HLCS: variants seen among roughly 807,000 people sequenced by gnomAD.
The protein encoded by HLCS is holocarboxylase synthetase, also known as biotin--protein ligase.
HLCS carries 53 observed loss-of-function variants against 75.0 expected under a neutral mutation model. The ratio of observed to expected loss-of-function variants is 0.71; its 90% CI spans 0.57 to 0.89. The LOEUF (loss-of-function observed/expected upper bound fraction) is 0.89, where lower values mean the gene tolerates loss of function less well. Among genes scored for constraint, HLCS ranks in the 40% least tolerant of loss-of-function variants. HLCS has a pLI of 0.00. For missense variants in HLCS, 966 were observed against 1,074.0 expected (o/e 0.90, Z 1.41); for synonymous variants, 431 against 428.6 (o/e 1.01, Z -0.07).
intron 6 of HLCS, among the ~76,000 whole-genome samples, chr21:36,815,217 C>T (rs866157033): frequency 6.6e-6 from 1 of 151,926 alleles, no homozygotes; most frequent in East Asian, 1.9e-4. Context: ...TTAGTAGAGA[C>T]GGGGTTTCAC....
chr21:36,926,506 T>C (rs566664009), intron 5 of HLCS, among the ~76,000 whole-genome samples: 1 of 152,362 alleles, frequency 6.6e-6, no homozygotes, highest in African/African-American at 2.4e-5. Flanking sequence ...TGACACGCAG[T>C]CATTTGTTTT....
intron 2 of HLCS, chr21:36,947,469 G>A: frequency 1.0e-6 from 1 of 985,370 alleles, no homozygotes; most frequent in Non-Finnish European, 1.2e-6. Context: ...TTGCCTTCCA[G>A]TGGATAAAGG....
chr21:36,961,229 G>A (rs1490708886), intron 2 of HLCS, among the ~76,000 whole-genome samples: 1 of 152,220 alleles, frequency 6.6e-6, no homozygotes. Context: ...CGTAGGTGGT[G>A]ATATACCCCA....
chr21:36,962,590 C>G (rs1426893414), intron 1 of HLCS, among the ~76,000 whole-genome samples: 1 of 151,878 alleles, frequency 6.6e-6, no homozygotes, highest in Non-Finnish European at 1.5e-5. Context: ...GAGTTCAAGA[C>G]CACCCTGGCC....
chr21:36,907,781 A>G (rs2065523432), intron 5 of HLCS, among the ~76,000 whole-genome samples: 1 of 152,238 alleles, frequency 6.6e-6, no homozygotes, highest in Non-Finnish European at 1.5e-5. Flanking sequence ...ATAAAAAAGA[A>G]GTCTTAAAAT....
At chr21:36,968,469 A>G (rs1185973458), upstream of HLCS, 2 of 152,158 alleles carry the variant, frequency 1.3e-5, no homozygotes, top group Non-Finnish European at 2.9e-5. Context: ...AACTGGGCTT[A>G]AAAGCAAGCA....
At chr21:36,825,164 T>C (rs559396143) in intron 6 of HLCS, among the ~76,000 whole-genome samples, 2 of 152,168 alleles carry the variant, frequency 1.3e-5, no homozygotes, top group Admixed American at 1.3e-4. Context: ...AGAGGACTGC[T>C]TGAGGCCAGG....
chr21:36,815,433 A>G (rs2061634841), intron 6 of HLCS, among the ~76,000 whole-genome samples: 1 of 152,202 alleles, frequency 6.6e-6, no homozygotes, highest in African/African-American at 2.4e-5. Flanking sequence ...TGTCATCCAC[A>G]CTAAGACATG....
intron 2 of HLCS, among the ~76,000 whole-genome samples, chr21:36,956,059 A>G (rs1194036559): frequency 6.6e-6 from 1 of 152,200 alleles, no homozygotes; most frequent in Non-Finnish European, 1.5e-5. Flanking sequence ...GCATGATGAA[A>G]TCACCTAAGG....
At position 36,754,411 on chromosome 21, in the gene HLCS, C is replaced by T. The variant is rs775688363; in HGVS notation, c.2457G>A (p.Gln819=). Residue 819 remains glutamine (Q), a synonymous_variant, in exon 11 of 11, where the codon CAG becomes CAA. Coordinates refer to ENST00000674895, the MANE Select transcript of HLCS (RefSeq NM_001352514.2). ...LYYRYWVHSG[Q]QVHLGSAEGP... ...CCTCTGCGCTGCCCAGATGGACTTG[C>T]TGACCACTGAAAAGGAAGAACAGCG... 1 of 1,612,106 alleles carries T rather than the reference C, an allele frequency of 6.2e-7. No individual in the cohort carries two copies. The highest frequency in any genetic ancestry group is 1.3e-5 in the African/African-American group (1 of 75,024).
At chr21:36,847,238 A>G (rs1382315938) in intron 6 of HLCS, among the ~76,000 whole-genome samples, 1 of 152,212 alleles carries the variant, frequency 6.6e-6, no homozygotes, top group Non-Finnish European at 1.5e-5. Context: ...ACATTGAAAT[A>G]AAGGCTTGGA....
intron 9 of HLCS, 98 bp from the exon 10 acceptor site, chr21:36,756,853 C>G (rs1419760200): frequency 1.3e-6 from 2 of 1,596,814 alleles, no homozygotes; most frequent in Non-Finnish European, 1.7e-6. Flanking sequence ...CTGTCAACTT[C>G]CTCCTTCCTT....
At chr21:36,923,599 A>G (rs2066271840) in intron 5 of HLCS, among the ~76,000 whole-genome samples, 1 of 152,246 alleles carries the variant, frequency 6.6e-6, no homozygotes, top group Non-Finnish European at 1.5e-5. Context: ...ATTTCCCACA[A>G]GCACACATCT....
chr21:36,958,767 C>T (rs1351587527), intron 2 of HLCS, among the ~76,000 whole-genome samples: 1 of 147,146 alleles, frequency 6.8e-6, no homozygotes, highest in Non-Finnish European at 1.5e-5. Flanking sequence ...CCAGCCTGGG[C>T]AACACAGCAA....
chr21:36,937,307 T>C lies in HLCS; in HGVS notation c.579A>G (p.Glu193=), dbSNP rs2146529125. ...GCTCAGGCTTAATCTCAAGAGAAGG[T>C]TCAGGCTTCGGCTCTAGGATCTGGG... ...KQAQILEPKP[E]PSLEIKPEQD... The change falls in exon 4 of 11, where the codon GAA becomes GAG. Residue 193 remains glutamate, a synonymous_variant. Transcript: ENST00000674895. The C allele has an allele frequency of 6.2e-7, 1 of 1,614,096 alleles. No individual in the cohort carries two copies. Among genetic ancestry groups the C allele is most frequent in the Non-Finnish European group, 8.5e-7 (1 of 1,180,014 alleles).
chr21:36,841,459 G>T lies in HLCS; in HGVS notation c.1892+55401C>A, dbSNP rs111461688. On this transcript the variant is annotated intron_variant, in intron 6 of 10. Transcript: ENST00000674895. ...CATGTGAGGTCTGTGTAAAGGATAG[G>T]ACGATGGCCTCTGCCACGTGATCTA... is the stretch of plus-strand genomic sequence containing the variant. 7.3e-3 allele frequency among the ~76,000 whole-genome samples: 1,113 copies of T among 152,334 alleles called. 11 individuals are homozygous for T. The highest frequency in any genetic ancestry group is 0.025 in the African/African-American group (1,027 of 41,570).
intron 6 of HLCS, among the ~76,000 whole-genome samples, chr21:36,884,776 C>T (rs575231462): frequency 2.0e-4 from 30 of 152,228 alleles, no homozygotes; most frequent in African/African-American, 6.7e-4. Context: ...TACAATCAAG[C>T]AATTCTGCAG....
At chr21:36,819,250 A>C (rs538139176) in intron 6 of HLCS, among the ~76,000 whole-genome samples, 2 of 152,310 alleles carry the variant, frequency 1.3e-5, no homozygotes, top group Admixed American at 1.3e-4. Flanking sequence ...GTTTTGCAAA[A>C]GTTGATCCTC....
At chr21:36,900,104 C>T (rs2065174840) in intron 5 of HLCS, among the ~76,000 whole-genome samples, 1 of 149,358 alleles carries the variant, frequency 6.7e-6, no homozygotes, top group South Asian at 2.1e-4. Flanking sequence ...GACTCAGTCT[C>T]GAAAAAAAAC....
Sources: allele counts gnomAD v4.1 joint callset (sites outside exome capture counted in the v4.1 genomes callset), GRCh38; gene constraint gnomAD v4.1.1; transcripts MANE v1.5; gene names NCBI Gene and HGNC (gene_info 2026-07-23, HGNC 2026-07-21).